Variants in USP34 observed in about 807,000 individuals in gnomAD.
The protein encoded by USP34 is ubiquitin specific peptidase 34, also known as ubiquitin carboxyl-terminal hydrolase 34.
In USP34, 70 loss-of-function variants were observed where a neutral mutation model predicts 460.3. The observed-to-expected ratio is 0.15, with a 90% CI of 0.13 to 0.19. USP34 has a LOEUF of 0.19. Among genes scored for constraint, USP34 ranks in the 10% least tolerant of loss-of-function variants. The pLI is 1.00. For synonymous variants in USP34, 1,647 were observed against 1,405.3 expected (o/e 1.17, Z -3.85); for missense variants, 3,985 against 4,236.2 (o/e 0.94, Z 1.65).
intron 43 of USP34, among the ~76,000 whole-genome samples, chr2:61,264,045 AACC>A (rs1420737456): frequency 6.6e-6 from 1 of 152,206 alleles, no homozygotes; most frequent in Non-Finnish European, 1.5e-5. Flanking sequence ...CTAAAAAGAA[AACC>A]ACTGAAAACA....
In USP34 at chr2:61,188,882, G is replaced by C. The variant is rs761365222; in HGVS notation, c.10033+28C>G. 5 of 1,612,794 alleles carry C rather than the reference G, an allele frequency of 3.1e-6. No homozygotes were observed. The African/African-American group carries it at 4.0e-5, about 13-fold the overall frequency. On this transcript the variant is annotated intron_variant, in intron 79 of 79. Coordinates refer to ENST00000398571, the MANE Select transcript of USP34 (RefSeq NM_014709.4). ...TATTACTCCCTCCTCCCACCCTAAA[G>C]GTAATGATAGTAGTCCATAAAGCTA... is the stretch of plus-strand genomic sequence containing the variant.
intron 75 of USP34, among the ~76,000 whole-genome samples, chr2:61,197,632 C>T (rs1400632465): frequency 6.6e-6 from 1 of 152,198 alleles, no homozygotes; most frequent in African/African-American, 2.4e-5. Flanking sequence ...GGATTTTGCT[C>T]TGTTGCCCAG....
At chr2:61,268,438 T>TTA (rs1308242934) in intron 41 of USP34, among the ~76,000 whole-genome samples, 2,034 of 53,472 alleles carry the variant, frequency 0.038, 129 homozygotes, top group African/African-American at 0.14. Flanking sequence ...GAGCTGTTGT[T>TTA]AAAAAAAAAA....
intron 1 of USP34, among the ~76,000 whole-genome samples, chr2:61,462,935 A>G (rs1695648711): frequency 6.6e-6 from 1 of 151,386 alleles, no homozygotes; most frequent in Non-Finnish European, 1.5e-5. Context: ...GGAGGGTGAG[A>G]CAGGAAAATC....
At chr2:61,286,819 A>G (rs934256350) in intron 34 of USP34, among the ~76,000 whole-genome samples, 3 of 152,214 alleles carry the variant, frequency 2.0e-5, no homozygotes, top group Admixed American at 6.5e-5. Flanking sequence ...ACACAAACCA[A>G]TAACCTATAA....
chr2:61,409,038 A>G (rs1693963470), intron 2 of USP34, among the ~76,000 whole-genome samples: 1 of 151,604 alleles, frequency 6.6e-6, no homozygotes, highest in Non-Finnish European at 1.5e-5. Context: ...TGACCAATAC[A>G]GCAAAACCTC....
chr2:61,427,250 G>A (rs931737088), intron 1 of USP34, among the ~76,000 whole-genome samples: 21 of 152,184 alleles, frequency 1.4e-4, no homozygotes, highest in Non-Finnish European at 2.2e-4. Context: ...GGATAGTCTC[G>A]ATCTCCTGAC....
intron 1 of USP34, among the ~76,000 whole-genome samples, chr2:61,429,620 A>G (rs985009620): frequency 6.6e-6 from 1 of 152,182 alleles, no homozygotes; most frequent in Non-Finnish European, 1.5e-5. Context: ...CTACCTCAAA[A>G]AAAAAAAGTT....
intron 75 of USP34, among the ~76,000 whole-genome samples, chr2:61,202,559 A>G (rs151203861): frequency 9.1e-4 from 139 of 152,270 alleles, no homozygotes; most frequent in African/African-American, 2.7e-3. Context: ...AATATTACTA[A>G]AGATATTCGA....
At chr2:61,201,211 G>GTTTTT (rs59199472) in intron 75 of USP34, among the ~76,000 whole-genome samples, 11 of 101,378 alleles carry the variant, frequency 1.1e-4, no homozygotes, top group Non-Finnish European at 1.3e-4. Context: ...CTCATAGAAA[G>GTTTTT]TTTTTTTTTT....
chr2:61,342,261 C>T (rs1042660341), intron 16 of USP34, among the ~76,000 whole-genome samples: 1 of 147,396 alleles, frequency 6.8e-6, no homozygotes, highest in East Asian at 2.0e-4. Flanking sequence ...TACTAGATGA[C>T]AAGAGACACT....
At chr2:61,289,326 T>C (rs1478452866) in intron 33 of USP34, among the ~76,000 whole-genome samples, 3 of 152,270 alleles carry the variant, frequency 2.0e-5, no homozygotes, top group South Asian at 2.1e-4. Context: ...ACCAAAGCAA[T>C]TGCTAGTAAT....
intron 41 of USP34, among the ~76,000 whole-genome samples, chr2:61,268,651 T>C (rs994723329): frequency 2.0e-5 from 3 of 152,018 alleles, no homozygotes; most frequent in African/African-American, 7.2e-5. Context: ...AGGGTAATTT[T>C]TGACTTATAA....
intron 71 of USP34, 84 bp downstream of exon 71, chr2:61,206,676 A>AT (rs1315984515): frequency 6.6e-7 from 1 of 1,518,384 alleles, no homozygotes; most frequent in Non-Finnish European, 8.9e-7. Flanking sequence ...GATAAAAACA[A>AT]TTTCTCTGGG....
intron 44 of USP34, 142 bp from the exon 45 acceptor site, chr2:61,257,492 G>A (rs2103896859): frequency 5.1e-6 from 3 of 593,224 alleles, no homozygotes; most frequent in Non-Finnish European, 7.7e-6. Context: ...ATTTCTTTCT[G>A]TTTAGTTTTC....
At chr2:61,457,997 T>A (rs75684280) in intron 1 of USP34, among the ~76,000 whole-genome samples, 2,905 of 152,242 alleles carry the variant, frequency 0.019, 90 homozygotes, top group African/African-American at 0.065. Context: ...TTCCCTTCTA[T>A]TATCAACCCA....
intron 2 of USP34, among the ~76,000 whole-genome samples, chr2:61,418,935 A>C (rs1190727555): frequency 5.9e-5 from 9 of 152,166 alleles, no homozygotes; most frequent in African/African-American, 2.4e-5. Flanking sequence ...ACATCTTTTA[A>C]TTTATATTTC....
chr2:61,198,535 G>C (rs1456724122), intron 75 of USP34, among the ~76,000 whole-genome samples: 1 of 151,048 alleles, frequency 6.6e-6, no homozygotes, highest in African/African-American at 2.4e-5. Flanking sequence ...GGTATCATCT[G>C]AGCTTCACCC....
At chr2:61,467,758 C>T in intron 1 of USP34, among the ~76,000 whole-genome samples, 1 of 150,550 alleles carries the variant, frequency 6.6e-6, no homozygotes, top group Non-Finnish European at 1.5e-5. Context: ...GTAGCTGGGA[C>T]TACAGATGCC....
Sources: gnomAD v4.1 joint callset for allele counts (sites outside exome capture counted in the v4.1 genomes callset) on GRCh38, gnomAD v4.1.1 for gene constraint, MANE v1.5 for transcripts, NCBI Gene and HGNC (gene_info 2026-07-23, HGNC 2026-07-21) for gene names.